NEBL: variants seen among roughly 807,000 people sequenced by gnomAD.
NEBL encodes nebulette.
NEBL carries 122 observed loss-of-function variants against 140.2 expected under a neutral mutation model. The observed-to-expected ratio is 0.87, with a 90% CI of 0.75 to 1.01. The LOEUF is 1.01. Among genes scored for constraint, NEBL ranks in the 50% least tolerant of loss-of-function variants. The pLI is 0.00. For synonymous variants in NEBL, 436 were observed against 398.9 expected (o/e 1.09, Z -1.11); for missense variants, 1,365 against 1,231.3 (o/e 1.11, Z -1.62).
intron 1 of NEBL, among the ~76,000 whole-genome samples, chr10:21,279,699 A>G (rs1375317027): frequency 6.6e-6 from 1 of 151,734 alleles, no homozygotes; most frequent in Non-Finnish European, 1.5e-5. Context: ...CAGAGGCTGC[A>G]GTGAGCCAAG....
intron 4 of NEBL, among the ~76,000 whole-genome samples, chr10:20,887,869 T>C (rs1018532144): frequency 1.3e-5 from 2 of 152,238 alleles, no homozygotes; most frequent in African/African-American, 2.4e-5. Context: ...ATAAATTGCA[T>C]TGAATGGGAC....
rs1297297964 is a variant in NEBL, at chr10:20,936,329, TA to T, written c.357+25342del. Among the ~76,000 whole-genome samples the T allele has an allele frequency of 3.9e-5, 6 of 152,018 alleles. 1 individual carries two copies. The South Asian group carries it at 1.0e-3, about 26-fold the overall frequency. ...CTATTTCCTACGGTAAAAGGGGCAA[TA>T]AAAAAAAGATGTGGGCATCAGAACT... On this transcript the variant is annotated intron_variant, in intron 4 of 6. Transcript: ENST00000417816.
At chr10:21,244,991 TAAAA>T (rs35172520) in intron 3 of NEBL, among the ~76,000 whole-genome samples, 3 of 118,320 alleles carry the variant, frequency 2.5e-5, no homozygotes, top group Non-Finnish European at 5.4e-5. Context: ...ATGCTGTCTC[TAAAA>T]AAAAAAAAAA....
At chr10:21,115,368 A>G (rs1838233311) in intron 2 of NEBL, among the ~76,000 whole-genome samples, 1 of 152,038 alleles carries the variant, frequency 6.6e-6, no homozygotes, top group Admixed American at 6.6e-5. Context: ...GTGCAGATTC[A>G]GTTTCCATCT....
chr10:21,122,703 T>G (rs1353736148), intron 2 of NEBL, among the ~76,000 whole-genome samples: 2 of 152,018 alleles, frequency 1.3e-5, no homozygotes, highest in African/African-American at 4.8e-5. Context: ...GGTGCAAAAA[T>G]CCTCAGTGTC....
chr10:20,973,540 G>A (rs78106113), intron 3 of NEBL, among the ~76,000 whole-genome samples: 6 of 152,070 alleles, frequency 3.9e-5, no homozygotes, highest in Admixed American at 1.3e-4. Flanking sequence ...ATAAGCCATC[G>A]CTCCCAGACT....
intron 3 of NEBL, among the ~76,000 whole-genome samples, chr10:20,998,157 A>C (rs889353382): frequency 6.6e-6 from 1 of 152,208 alleles, no homozygotes; most frequent in African/African-American, 2.4e-5. Context: ...GAAATGTCAT[A>C]ATAATGACAA....
intron 26 of NEBL, chr10:20,793,415 A>G: frequency 1.1e-6 from 1 of 906,590 alleles, no homozygotes; most frequent in Non-Finnish European, 1.3e-6. Context: ...CTGAGGACAG[A>G]GGAAGAATCA....
intron 2 of NEBL, among the ~76,000 whole-genome samples, chr10:21,160,333 G>A (rs1293048789): frequency 6.6e-6 from 1 of 152,082 alleles, no homozygotes; most frequent in Non-Finnish European, 1.5e-5. Context: ...TGACACAAGA[G>A]GCGCACAAAT....
At chr10:20,916,623 T>C (rs891453790) in intron 4 of NEBL, among the ~76,000 whole-genome samples, 1 of 152,224 alleles carries the variant, frequency 6.6e-6, no homozygotes, top group Non-Finnish European at 1.5e-5. Context: ...TTGGCCAGGC[T>C]GGTCATGAAC....
At chr10:20,910,424 A>C (rs1049118060) in intron 4 of NEBL, among the ~76,000 whole-genome samples, 2 of 152,220 alleles carry the variant, frequency 1.3e-5, no homozygotes, top group Admixed American at 6.5e-5. Flanking sequence ...TGTAGTCCAC[A>C]ATGACTGATG....
rs145160547 is a variant in NEBL, at chr10:20,812,637, G to A, written c.2518+132C>T. 59 of 1,056,336 alleles carry A rather than the reference G, an allele frequency of 5.6e-5. 1 individual carries two copies. In the African/African-American group the frequency reaches 6.3e-4, roughly 11 times the overall value. The allele number at this position is 1,056,336 out of a possible 1,614,324, so 65.4% of individuals were successfully genotyped here. ...CGTACAAAAATAATACTTTACCTGC[G>A]GTCCATTTTAAATTGGGTACCACAA... On this transcript the variant is annotated intron_variant, in intron 24 of 27. Coordinates refer to ENST00000377122, the MANE Select transcript of NEBL (RefSeq NM_006393.3).
intron 16 of NEBL, 127 bp downstream of exon 16, chr10:20,831,069 T>C: frequency 1.3e-6 from 1 of 752,664 alleles, no homozygotes. Flanking sequence ...CAATGGTTTC[T>C]TAGTGAAAGA....
At chr10:21,127,348 T>C (rs1015144049) in intron 2 of NEBL, among the ~76,000 whole-genome samples, 1 of 152,132 alleles carries the variant, frequency 6.6e-6, no homozygotes, top group Non-Finnish European at 1.5e-5. Flanking sequence ...AATTAAAAAA[T>C]TTCCAGTTTG....
chr10:20,913,867 T>C (rs1226196332), intron 4 of NEBL, among the ~76,000 whole-genome samples: 1 of 152,224 alleles, frequency 6.6e-6, no homozygotes, highest in African/African-American at 2.4e-5. Context: ...GAGCCATTTA[T>C]GTTCAAAAAC....
At chr10:20,817,797 T>C (rs1838880665) in intron 20 of NEBL, 105 bp from the exon 21 acceptor site, 1 of 943,328 alleles carries the variant, frequency 1.1e-6, no homozygotes, top group Non-Finnish European at 1.7e-6. Flanking sequence ...CACATTTTTT[T>C]CCACAGTTGA....
At chr10:21,057,771 G>A (rs764362481) in intron 2 of NEBL, among the ~76,000 whole-genome samples, 5 of 151,924 alleles carry the variant, frequency 3.3e-5, no homozygotes, top group Non-Finnish European at 5.9e-5. Context: ...ATGTTGCCCA[G>A]GCTGGTCTCA....
chr10:21,094,216 G>A (rs761202121), intron 2 of NEBL, among the ~76,000 whole-genome samples: 1 of 152,110 alleles, frequency 6.6e-6, no homozygotes, highest in Non-Finnish European at 1.5e-5. Context: ...AATTAGCCAG[G>A]TGTAGGCCGG....
intron 2 of NEBL, among the ~76,000 whole-genome samples, chr10:21,051,984 C>T (rs998684308): frequency 5.3e-5 from 8 of 151,512 alleles, no homozygotes; most frequent in African/African-American, 1.9e-4. Context: ...CCAGCCTGGA[C>T]AACACAGCAA....
Sources: allele counts gnomAD v4.1 joint callset (sites outside exome capture counted in the v4.1 genomes callset), GRCh38; gene constraint gnomAD v4.1.1; transcripts MANE v1.5; gene names NCBI Gene and HGNC (gene_info 2026-07-23, HGNC 2026-07-21).